The following PGS1 variants were observed in gnomAD, a reference collection of about 807,000 sequenced individuals.
PGS1 encodes the protein CDP-diacylglycerol--glycerol-3-phosphate 3-phosphatidyltransferase, mitochondrial.
Under a neutral mutation model 58.3 loss-of-function variants are expected in PGS1, and 44 were observed. The ratio of observed to expected loss-of-function variants is 0.75; its 90% confidence interval spans 0.59 to 0.97. PGS1 has a LOEUF of 0.97. Among genes scored for constraint, PGS1 ranks in the 50% least tolerant of loss-of-function variants. The pLI, the probability that PGS1 is intolerant of heterozygous loss-of-function variation, is 0.00. For synonymous variants in PGS1, 330 were observed against 311.0 expected (o/e 1.06, Z -0.64); for missense variants, 684 against 731.1 (o/e 0.94, Z 0.74).
chr17:78,397,484 T>C (rs2083318149), intron 3 of PGS1, among the ~76,000 whole-genome samples: 1 of 138,694 alleles, frequency 7.2e-6, no homozygotes, highest in Admixed American at 7.1e-5. Flanking sequence ...TTGCCCAGGC[T>C]GGAGTGCAAT....
intron 7 of PGS1, among the ~76,000 whole-genome samples, chr17:78,414,088 G>C (rs748303288): frequency 7.9e-5 from 12 of 152,232 alleles, no homozygotes; most frequent in Non-Finnish European, 5.9e-5. Flanking sequence ...GGCCCTGTGG[G>C]CAGTGATGGC....
intron 9 of PGS1, chr17:78,420,075 A>AG: frequency 9.5e-7 from 1 of 1,057,324 alleles, no homozygotes; most frequent in Non-Finnish European, 1.1e-6. Flanking sequence ...ACGTGGGAGG[A>AG]GGGGAGCACG....
At chr17:78,399,791 C>T (rs1480694271) in intron 5 of PGS1, 3 of 536,516 alleles carry the variant, frequency 5.6e-6, no homozygotes, top group Non-Finnish European at 6.7e-6. Context: ...TCTGTTTCCA[C>T]CCTCAGTGAC....
At chr17:78,414,796 C>G in intron 7 of PGS1, 83 bp from the exon 8 acceptor site, 1 of 1,523,564 alleles carries the variant, frequency 6.6e-7, no homozygotes, top group Non-Finnish European at 9.0e-7. Context: ...GGCCGCCTTT[C>G]TCTTAGATTG....
chr17:78,405,275 C>T (rs967872586), intron 7 of PGS1, among the ~76,000 whole-genome samples: 9 of 151,674 alleles, frequency 5.9e-5, no homozygotes, highest in African/African-American at 1.5e-4. Flanking sequence ...GGATTACAGG[C>T]GTGAGCCACT....
intron 7 of PGS1, among the ~76,000 whole-genome samples, chr17:78,412,473 A>G (rs1307289483): frequency 1.3e-5 from 2 of 152,226 alleles, no homozygotes; most frequent in Non-Finnish European, 2.9e-5. Context: ...GGAATGAGCA[A>G]TAGATGGAGA....
At chr17:78,417,244 C>T (rs530253386) in intron 8 of PGS1, among the ~76,000 whole-genome samples, 3 of 152,248 alleles carry the variant, frequency 2.0e-5, no homozygotes, top group Admixed American at 6.5e-5. Context: ...CAATCTTGGC[C>T]GGGTATTCAT....
chr17:78,423,780 C>T (rs2086201352), intron 9 of PGS1: 15 of 1,273,296 alleles, frequency 1.2e-5, no homozygotes, highest in Admixed American at 4.1e-5. Context: ...GGTTACAAAG[C>T]ACCTGATTAT....
intron 3 of PGS1, among the ~76,000 whole-genome samples, chr17:78,397,582 A>T (rs556841479): frequency 9.5e-6 from 1 of 105,084 alleles, no homozygotes; most frequent in East Asian, 2.4e-4. Flanking sequence ...GATTACAGGC[A>T]TGCGCCACCC....
chr17:78,391,429 C>T (rs1379539393), intron 1 of PGS1, among the ~76,000 whole-genome samples: 6 of 152,204 alleles, frequency 3.9e-5, no homozygotes, highest in Admixed American at 3.9e-4. Flanking sequence ...AGGAGATCCT[C>T]CTGCCTCAGC....
At chr17:78,422,848 C>A (rs1002866940) in intron 9 of PGS1, among the ~76,000 whole-genome samples, 1 of 152,082 alleles carries the variant, frequency 6.6e-6, no homozygotes, top group Non-Finnish European at 1.5e-5. Context: ...GTAATCCTGG[C>A]GCTTTGGGAG....
At position 78,396,244 on chromosome 17, in the gene PGS1, T is replaced by A; in HGVS notation, c.334-64T>A. ...GGGATTTGCCTCCCAGGTCAAAGGGTTCTGTTTTCTTAGTGAACCATGAAA... is the reference window on the plus strand; with the variant it reads ...GGGATTTGCCTCCCAGGTCAAAGGGATCTGTTTTCTTAGTGAACCATGAAA... On this transcript the variant is annotated intron_variant, in intron 2 of 9. Coordinates refer to ENST00000262764, the MANE Select transcript of PGS1 (RefSeq NM_024419.5). 5 of 1,241,420 alleles carry A rather than the reference T, an allele frequency of 4.0e-6. No individual in the cohort carries two copies. The South Asian group carries it at 6.1e-5, about 15-fold the overall frequency. The allele number at this position is 1,241,420 out of a possible 1,614,324, so 76.9% of individuals were successfully genotyped here.
chr17:78,398,831 T>G (rs963759641), intron 4 of PGS1, among the ~76,000 whole-genome samples: 10 of 152,192 alleles, frequency 6.6e-5, no homozygotes, highest in Non-Finnish European at 1.2e-4. Flanking sequence ...TGGCCCCTGG[T>G]GGCTTAGGCT....
At chr17:78,423,966 C>T (rs1164313206) in intron 9 of PGS1, 95 bp from the exon 10 acceptor site, 18 of 1,613,904 alleles carry the variant, frequency 1.1e-5, no homozygotes, top group Non-Finnish European at 1.5e-5. Context: ...TCTCTTTGGT[C>T]TTCAAGTTAA....
At chr17:78,392,730 T>G (rs1362092520) in intron 2 of PGS1, 65 bp downstream of exon 2, 5 of 1,287,230 alleles carry the variant, frequency 3.9e-6, no homozygotes, top group African/African-American at 1.5e-5. Flanking sequence ...TGGTGAGTCC[T>G]GAGTGCTTTC....
At chr17:78,399,678 TC>T in intron 5 of PGS1, 141 bp downstream of exon 5, 2 of 744,534 alleles carry the variant, frequency 2.7e-6, no homozygotes, top group Non-Finnish European at 4.4e-6. Flanking sequence ...CCGCGGCACC[TC>T]CCCGACACTG....
chr17:78,408,859 G>T (rs2084383404), intron 7 of PGS1, among the ~76,000 whole-genome samples: 1 of 152,202 alleles, frequency 6.6e-6, no homozygotes, highest in Non-Finnish European at 1.5e-5. Context: ...GGGAGCTGGG[G>T]TAGAATTTGG....
chr17:78,423,103 T>TTG (rs2086055851), intron 9 of PGS1, among the ~76,000 whole-genome samples: 3 of 47,036 alleles, frequency 6.4e-5, no homozygotes, highest in South Asian at 1.1e-3. Context: ...TCACTCTCCC[T>TTG]CGAAAAAAAA....
Position 78,424,531 on chromosome 17 carries a change from C to T in PGS1, c.*481C>T, listed in dbSNP as rs2086325291. The T allele has an allele frequency of 4.9e-6, 1 of 204,210 alleles. No individual in the cohort carries two copies. The highest frequency in any genetic ancestry group is 1.0e-5 in the Non-Finnish European group (1 of 100,066). The allele number at this position is 204,210 out of a possible 1,614,324, so 12.6% of individuals were successfully genotyped here. Reference sequence around the variant, plus strand: ...AATGTCTGCCCTATGTGTACATACACAATATAATTATACATCTGTGCATAT... The same window carrying T: ...AATGTCTGCCCTATGTGTACATACATAATATAATTATACATCTGTGCATAT... On this transcript the variant is annotated 3_prime_UTR_variant, in exon 10 of 10. Coordinates refer to ENST00000262764, the MANE Select transcript of PGS1 (RefSeq NM_024419.5).
Sources: gnomAD v4.1 joint callset for allele counts (sites outside exome capture counted in the v4.1 genomes callset) on GRCh38, gnomAD v4.1.1 for gene constraint, MANE v1.5 for transcripts, NCBI Gene and HGNC (gene_info 2026-07-23, HGNC 2026-07-21) for gene names.